The following EYA2 variants were observed in gnomAD, a reference collection of about 807,000 sequenced individuals.
The protein encoded by EYA2 is protein phosphatase EYA2.
EYA2 carries 31 observed loss-of-function variants against 69.2 expected under a neutral mutation model. The ratio of observed to expected loss-of-function variants is 0.45; its 90% CI spans 0.34 to 0.60. The LOEUF is 0.60. Ranked by LOEUF, EYA2 falls within the 20% of genes least tolerant of loss-of-function variation. The pLI, the probability that EYA2 is intolerant of heterozygous loss-of-function variation, is 0.02. For missense variants in EYA2, 622 were observed against 701.2 expected (o/e 0.89, Z 1.28); for synonymous variants, 257 against 279.4 (o/e 0.92, Z 0.80).
intron 5 of EYA2, among the ~76,000 whole-genome samples, chr20:47,045,531 C>G (rs1397669930): frequency 6.6e-6 from 1 of 152,188 alleles, no homozygotes; most frequent in Non-Finnish European, 1.5e-5. Flanking sequence ...GAAGGTCAGC[C>G]TACCACATCC....
chr20:46,933,558 T>A (rs1203398157), intron 1 of EYA2, among the ~76,000 whole-genome samples: 1 of 152,178 alleles, frequency 6.6e-6, no homozygotes, highest in Non-Finnish European at 1.5e-5. Context: ...CAGTGGTGGG[T>A]CACTCTGTTA....
At chr20:46,927,616 C>T (rs992427626) in intron 1 of EYA2, among the ~76,000 whole-genome samples, 9 of 152,136 alleles carry the variant, frequency 5.9e-5, no homozygotes, top group African/African-American at 1.9e-4. Flanking sequence ...TATCAGATCT[C>T]GTGAGACTTA....
intron 7 of EYA2, among the ~76,000 whole-genome samples, chr20:47,075,232 A>C (rs1306034175): frequency 1.3e-5 from 2 of 152,264 alleles, no homozygotes; most frequent in Non-Finnish European, 2.9e-5. Context: ...CTCCCACTGC[A>C]TTCCAGGCCC....
At chr20:46,948,248 C>G (rs1345354395) in intron 1 of EYA2, among the ~76,000 whole-genome samples, 1 of 152,226 alleles carries the variant, frequency 6.6e-6, no homozygotes. Flanking sequence ...CATACCATCT[C>G]TGTCACAACT....
intron 5 of EYA2, among the ~76,000 whole-genome samples, chr20:47,022,659 T>TTC (rs1326194313): frequency 6.9e-6 from 1 of 144,824 alleles, no homozygotes; most frequent in Non-Finnish European, 1.5e-5. Context: ...CTTCACCTTT[T>TTC]TTTTTTTTTT....
At chr20:47,139,020 G>C (rs969258672) in intron 9 of EYA2, among the ~76,000 whole-genome samples, 7 of 152,174 alleles carry the variant, frequency 4.6e-5, no homozygotes, top group African/African-American at 1.7e-4. Flanking sequence ...ATGTGTCCCT[G>C]TTAATACATG....
intron 4 of EYA2, among the ~76,000 whole-genome samples, chr20:47,011,084 TG>T: frequency 6.6e-6 from 1 of 152,270 alleles, no homozygotes; most frequent in Non-Finnish European, 1.5e-5. Context: ...CCACCATGCC[TG>T]GCCTGATGTT....
At chr20:47,052,822 C>G (rs945675462) in intron 5 of EYA2, among the ~76,000 whole-genome samples, 1 of 152,054 alleles carries the variant, frequency 6.6e-6, no homozygotes, top group Non-Finnish European at 1.5e-5. Context: ...TGGGATCTCA[C>G]TATGTTGCCC....
intron 9 of EYA2, among the ~76,000 whole-genome samples, chr20:47,125,047 G>GTTTTTTTTTTTTTTTTTTTTTTTTTTT (rs11478823): frequency 1.1e-5 from 1 of 88,396 alleles, no homozygotes. Context: ...TTTTGGTTAA[G>GTTTTTTTTTTTTTTTTTTTTTTTTTTT]TTTTTTTTTT....
intron 7 of EYA2, among the ~76,000 whole-genome samples, chr20:47,077,297 C>A (rs1324606305): frequency 6.6e-6 from 1 of 152,204 alleles, no homozygotes; most frequent in Non-Finnish European, 1.5e-5. Flanking sequence ...AATGCACCAG[C>A]CTGTGGATTC....
chr20:47,022,055 A>G (rs1983784071), intron 5 of EYA2, among the ~76,000 whole-genome samples: 1 of 152,204 alleles, frequency 6.6e-6, no homozygotes, highest in African/African-American at 2.4e-5. Flanking sequence ...GCATGCCACA[A>G]AGTTAAAATA....
intron 5 of EYA2, among the ~76,000 whole-genome samples, chr20:47,052,986 C>T (rs1403316357): frequency 6.6e-6 from 1 of 152,142 alleles, no homozygotes. Context: ...TGAGTGTGTC[C>T]CCTATGTGGT....
chr20:46,959,493 G>C (rs1979336122), intron 1 of EYA2, among the ~76,000 whole-genome samples: 1 of 152,148 alleles, frequency 6.6e-6, no homozygotes, highest in African/African-American at 2.4e-5. Context: ...AATCTCCTCT[G>C]TTACTGCTTT....
intron 9 of EYA2, among the ~76,000 whole-genome samples, chr20:47,100,350 C>T (rs1034157191): frequency 6.6e-6 from 1 of 152,178 alleles, no homozygotes; most frequent in Non-Finnish European, 1.5e-5. Context: ...CCACAATCAA[C>T]AGGAGCAGAG....
At chr20:46,928,115 G>C (rs1387121055) in intron 1 of EYA2, among the ~76,000 whole-genome samples, 2 of 152,202 alleles carry the variant, frequency 1.3e-5, no homozygotes, top group Admixed American at 1.3e-4. Flanking sequence ...AGACATAAAG[G>C]GTAAATGTCT....
At chr20:47,074,093 G>T in intron 6 of EYA2, 65 bp from the exon 7 acceptor site, 2 of 1,454,360 alleles carry the variant, frequency 1.4e-6, no homozygotes, top group South Asian at 2.8e-5. Context: ...TGGCCAGGCT[G>T]ACCAACGGCC....
At position 47,162,624 on chromosome 20, in the gene EYA2, T is replaced by C. The variant is rs537269802; in HGVS notation, c.979-6515T>C. On this transcript the variant is annotated intron_variant, in intron 10 of 15. Coordinates refer to ENST00000327619, the MANE Select transcript of EYA2 (RefSeq NM_005244.5). ...CCTCGACCTCCCCAGGCTTAGGTGA[T>C]CCTCCCACCTCAGCCTCCCAAGTAG... is the stretch of plus-strand genomic sequence containing the variant. 4.7e-5 allele frequency among the ~76,000 whole-genome samples: 7 copies of C among 150,442 alleles called. No individual in the cohort carries two copies. In the East Asian group the frequency reaches 1.4e-3, roughly 30 times the overall value.
rs769484018 is a variant in EYA2 at position 47,001,440 on chromosome 20, C to A, written c.122C>A (p.Ser41Ter). The part of the protein sequence containing the change: ...TLSDRQGITK[S>*]APLRVSQLFS... Reference sequence around the variant, plus strand: ...TTTTCTCCTGCAGGCATCACCAAATCGGCCCCCCTGAGAGTGTCCCAGCTC... The same window carrying A: ...TTTTCTCCTGCAGGCATCACCAAATAGGCCCCCCTGAGAGTGTCCCAGCTC... Residue 41 changes from serine to a stop codon, truncating the protein, a stop_gained, in exon 3 of 16, where the codon TCG (serine) becomes TAG (stop). Transcript: ENST00000327619. LOFTEE classifies it high-confidence loss of function. The A allele has an allele frequency of 1.2e-6, 2 of 1,614,016 alleles. No individual in the cohort carries two copies. Among genetic ancestry groups the A allele is most frequent in the East Asian group, 4.5e-5 (2 of 44,888 alleles).
At chr20:47,135,532 T>G (rs900506840) in intron 9 of EYA2, among the ~76,000 whole-genome samples, 2 of 151,832 alleles carry the variant, frequency 1.3e-5, no homozygotes, top group African/African-American at 4.8e-5. Context: ...GAACTCATAT[T>G]TGAATTATGA....
Sources: allele counts gnomAD v4.1 joint callset (sites outside exome capture counted in the v4.1 genomes callset), GRCh38; gene constraint gnomAD v4.1.1; transcripts MANE v1.5; gene names NCBI Gene and HGNC (gene_info 2026-07-23, HGNC 2026-07-21).